BLTP3B: variants seen among roughly 807,000 people sequenced by gnomAD.
BLTP3B encodes the protein UHRF1 (ICBP90) binding protein 1-like.
chr12:100,083,079 T>C, the BLTP3B span: 3 of 1,613,748 alleles, frequency 1.9e-6, no homozygotes, highest in Admixed American at 3.3e-5. Context: ...TAGCTTTTGA[T>C]TGTTGAGATA....
the BLTP3B span, chr12:100,098,629 TG>T: frequency 1.4e-6 from 2 of 1,387,450 alleles, no homozygotes; most frequent in Non-Finnish European, 1.9e-6. Context: ...TGGTTGGGGA[TG>T]GTGGCTCATA....
At chr12:100,125,475 A>AC in the BLTP3B span, among the ~76,000 whole-genome samples, 4 of 151,804 alleles carry the variant, frequency 2.6e-5, no homozygotes, top group East Asian at 5.8e-4. Flanking sequence ...ACATAGGGAG[A>AC]CCCCATCTCT....
chr12:100,043,372 C>G, the BLTP3B span, among the ~76,000 whole-genome samples: 1 of 152,144 alleles, frequency 6.6e-6, no homozygotes, highest in Non-Finnish European at 1.5e-5. Context: ...GTTTTGCCAG[C>G]CTTGCCAAAG....
chr12:100,096,933 T>G, the BLTP3B span, among the ~76,000 whole-genome samples: 1 of 152,072 alleles, frequency 6.6e-6, no homozygotes, highest in South Asian at 2.1e-4. Context: ...CTTAAAAAAT[T>G]ATTCAGGCAT....
chr12:100,125,825 A>G, the BLTP3B span, among the ~76,000 whole-genome samples: 1 of 152,234 alleles, frequency 6.6e-6, no homozygotes, highest in Non-Finnish European at 1.5e-5. Flanking sequence ...TTCACATTTT[A>G]TTATTAGAAG....
chr12:100,131,806 T>G, the BLTP3B span, among the ~76,000 whole-genome samples: 1 of 152,216 alleles, frequency 6.6e-6, no homozygotes, highest in Non-Finnish European at 1.5e-5. Context: ...TTTGTTTTGT[T>G]TTTGAGGTGG....
the BLTP3B span, among the ~76,000 whole-genome samples, chr12:100,126,610 T>TTTTTATTAAATTTTATTAAA: frequency 6.6e-6 from 1 of 151,330 alleles, no homozygotes; most frequent in East Asian, 1.9e-4. Flanking sequence ...TAAACAAAAT[T>TTTTTATTAAATTTTATTAAA]TTTTATTAAA....
chr12:100,067,145 C>T, the BLTP3B span, among the ~76,000 whole-genome samples: 3 of 152,106 alleles, frequency 2.0e-5, no homozygotes, highest in Non-Finnish European at 2.9e-5. Flanking sequence ...AACTGAACAA[C>T]TATAGTGACA....
chr12:100,078,073 T>C, the BLTP3B span, among the ~76,000 whole-genome samples: 1 of 152,160 alleles, frequency 6.6e-6, no homozygotes, highest in Non-Finnish European at 1.5e-5. Context: ...AGTTTGGATA[T>C]TGTCCCCTCT....
At chr12:100,090,632 T>C in the BLTP3B span, among the ~76,000 whole-genome samples, 2 of 152,164 alleles carry the variant, frequency 1.3e-5, no homozygotes, top group African/African-American at 4.8e-5. Context: ...GTATACTTAG[T>C]AAATGAGAAT....
the BLTP3B span, among the ~76,000 whole-genome samples, chr12:100,072,496 T>A: frequency 3.3e-5 from 5 of 152,000 alleles, no homozygotes; most frequent in Middle Eastern, 3.4e-3. Context: ...GGCTTGAGCC[T>A]AGGAGTTTGA....
At chr12:100,043,758 T>G in the BLTP3B span, among the ~76,000 whole-genome samples, 1 of 152,316 alleles carries the variant, frequency 6.6e-6, no homozygotes, top group African/African-American at 2.4e-5. Context: ...TTAGTCTATA[T>G]GCAAACCCTA....
chr12:100,051,802 T>C, the BLTP3B span: 1 of 152,228 alleles, frequency 6.6e-6, no homozygotes, highest in East Asian at 1.9e-4. Context: ...ACGTCTGTAA[T>C]CCCAGCACTT....
At chr12:100,116,778 T>C in the BLTP3B span, among the ~76,000 whole-genome samples, 6 of 152,216 alleles carry the variant, frequency 3.9e-5, no homozygotes, top group Non-Finnish European at 7.3e-5. Context: ...AAAAGGCATC[T>C]GGTTTTGAAA....
chr12:100,084,707 T>G, the BLTP3B span: 1 of 1,542,436 alleles, frequency 6.5e-7, no homozygotes, highest in Non-Finnish European at 8.8e-7. Context: ...CAACTTTCAT[T>G]TATTATATTA....
At chr12:100,140,729 A>AATATATATATATATATATATATATAT in the BLTP3B span, among the ~76,000 whole-genome samples, 14 of 61,458 alleles carry the variant, frequency 2.3e-4, no homozygotes, top group South Asian at 5.7e-4. Context: ...AAAAAAAAAA[A>AATATATATATATATATATATATATAT]ATATATATAT....
the BLTP3B span, chr12:100,059,515 C>T: frequency 3.1e-6 from 5 of 1,594,642 alleles, no homozygotes; most frequent in Middle Eastern, 1.7e-4. Context: ...TCAGATTTCA[C>T]TTCAGAAGGA....
At chr12:100,107,599 C>T in the BLTP3B span, among the ~76,000 whole-genome samples, 1 of 151,874 alleles carries the variant, frequency 6.6e-6, no homozygotes, top group Non-Finnish European at 1.5e-5. Context: ...TGCACCACTG[C>T]ACTCCAGCCT....
the BLTP3B span, among the ~76,000 whole-genome samples, chr12:100,047,150 A>T: frequency 2.6e-4 from 39 of 152,336 alleles, no homozygotes; most frequent in African/African-American, 9.1e-4. Flanking sequence ...GTGAAAAGAA[A>T]CAATCAGTAG....
Sources: allele counts gnomAD v4.1 joint callset (sites outside exome capture counted in the v4.1 genomes callset), GRCh38; gene constraint gnomAD v4.1.1; transcripts MANE v1.5; gene names NCBI Gene and HGNC (gene_info 2026-07-23, HGNC 2026-07-21).